Variants in CENPI observed in about 807,000 individuals in gnomAD.
The protein encoded by CENPI is centromere protein I, also known as FSH primary response 1.
CENPI carries 4 observed loss-of-function variants against 60.4 expected under a neutral mutation model. The ratio of observed to expected loss-of-function variants is 0.07; its 90% CI spans 0.03 to 0.15. The LOEUF is 0.15. CENPI is among the 10% of genes least tolerant of loss of function. The pLI, the probability that CENPI is intolerant of heterozygous loss-of-function variation, is 1.00. For missense variants in CENPI, 444 were observed against 534.5 expected, an observed-to-expected ratio of 0.83 and a Z score of 1.67; for synonymous variants, 157 against 189.4, an observed-to-expected ratio of 0.83 and a Z score of 1.40.
rs1030925870 is a variant in CENPI, at chrX:101,165,291, G to A, written c.*2324G>A. 7.1e-5 allele frequency among the ~76,000 whole-genome samples: 8 copies of A among 111,940 alleles called. No individual in the cohort carries two copies. Among genetic ancestry groups the A allele is most frequent in the African/African-American group, 1.3e-4 (4 of 30,792 alleles). On this transcript the variant is annotated 3_prime_UTR_variant, in exon 22 of 22. Transcript: ENST00000682095. ...AGATTAAAGAGGAAAGCAGAGACTG[G>A]TTAGGTTATTATAGTGTCCTAGGTA...
intron 15 of CENPI, among the ~76,000 whole-genome samples, chrX:101,138,178 G>A (rs182411077): frequency 4.5e-4 from 45 of 100,402 alleles, no homozygotes; most frequent in African/African-American, 1.5e-3. Context: ...AGTAGAGATG[G>A]CGTTTCACCA....
At chrX:101,119,608 C>T (rs2089656466) in intron 6 of CENPI, among the ~76,000 whole-genome samples, 2 of 111,458 alleles carry the variant, frequency 1.8e-5, no homozygotes, top group South Asian at 7.5e-4. Context: ...TTTCCTGACC[C>T]CTGATCTAGA....
chrX:101,160,725 C>T (rs2090101356), intron 20 of CENPI, among the ~76,000 whole-genome samples: 1 of 110,980 alleles, frequency 9.0e-6, no homozygotes, highest in Non-Finnish European at 1.9e-5. Flanking sequence ...TTGTGTATTT[C>T]CAATAGCCAA....
chrX:101,113,282 T>TACACACACACACAC (rs533672702), intron 6 of CENPI, among the ~76,000 whole-genome samples: 1 of 84,003 alleles, frequency 1.2e-5, no homozygotes, highest in Non-Finnish European at 2.3e-5. Flanking sequence ...TCCATCCCTT[T>TACACACACACACAC]ACACACACAC....
intron 20 of CENPI, among the ~76,000 whole-genome samples, chrX:101,156,041 T>TC (rs1012774397): frequency 1.8e-5 from 2 of 110,508 alleles, no homozygotes; most frequent in African/African-American, 6.6e-5. Flanking sequence ...AGACAGAGTT[T>TC]CACTCTCGTC....
intron 4 of CENPI, among the ~76,000 whole-genome samples, chrX:101,103,279 C>T (rs1373643451): frequency 3.6e-5 from 4 of 111,565 alleles, no homozygotes; most frequent in Admixed American, 2.9e-4. Context: ...CAGGTGTGAG[C>T]CACTGCGCCC....
the CENPI span, among the ~76,000 whole-genome samples, chrX:101,173,314 CTTTTTTTTTTT>C: frequency 4.0e-5 from 2 of 50,506 alleles, no homozygotes; most frequent in African/African-American, 1.9e-4. Flanking sequence ...TGCCTGGCCT[CTTTTTTTTTTT>C]TTTTTTTTTT....
intron 9 of CENPI, 29 bp downstream of exon 9, chrX:101,126,827 T>C (rs181286570): frequency 3.8e-6 from 4 of 1,066,111 alleles, no homozygotes; most frequent in Non-Finnish European, 5.2e-6. Flanking sequence ...AGAAATCATA[T>C]TAAGATTGAA....
At chrX:101,159,040 T>C (rs1442500810) in intron 20 of CENPI, among the ~76,000 whole-genome samples, 2 of 111,572 alleles carry the variant, frequency 1.8e-5, no homozygotes, top group Non-Finnish European at 3.8e-5. Flanking sequence ...ACAAGAGATA[T>C]TGACAGTGAT....
intron 15 of CENPI, among the ~76,000 whole-genome samples, chrX:101,138,875 C>T (rs2089879438): frequency 9.2e-6 from 1 of 108,948 alleles, no homozygotes; most frequent in Non-Finnish European, 1.9e-5. Flanking sequence ...ATCTGCCCAC[C>T]TCAGCCTCCC....
chrX:101,157,993 ACT>A (rs1359411930), intron 20 of CENPI, among the ~76,000 whole-genome samples: 20 of 111,022 alleles, frequency 1.8e-4, no homozygotes, highest in African/African-American at 6.2e-4. Flanking sequence ...CCATCATTCT[ACT>A]CTCTACCTCC....
intron 6 of CENPI, among the ~76,000 whole-genome samples, chrX:101,115,616 G>C (rs1422275114): frequency 2.7e-5 from 3 of 110,828 alleles, no homozygotes; most frequent in Non-Finnish European, 5.7e-5. Context: ...CTCTTGCCTC[G>C]GCCTCCCAAA....
chrX:101,128,670 C>T (rs750914498), intron 11 of CENPI, 46 bp from the exon 12 acceptor site: 2 of 1,181,184 alleles, frequency 1.7e-6, no homozygotes, highest in Non-Finnish European at 2.3e-6. Context: ...TTCCCTTATC[C>T]ACTTTTCAGA....
At chrX:101,129,632 A>C (rs2089774327) in intron 12 of CENPI, among the ~76,000 whole-genome samples, 1 of 111,755 alleles carries the variant, frequency 8.9e-6, no homozygotes, top group Non-Finnish European at 1.9e-5. Flanking sequence ...TACCCAGCAT[A>C]CTCTAATTGA....
chrX:101,135,806 C>T (rs6523453), intron 15 of CENPI, among the ~76,000 whole-genome samples: 33,125 of 110,802 alleles, frequency 0.3, 3,897 homozygotes, highest in African/African-American at 0.42. Context: ...CTGCAACCTC[C>T]GCCTAGCGGG....
At chrX:101,154,704 CAT>C (rs2090037761) in intron 20 of CENPI, among the ~76,000 whole-genome samples, 1 of 111,941 alleles carries the variant, frequency 8.9e-6, no homozygotes, top group Admixed American at 9.6e-5. Context: ...GCATGAACAT[CAT>C]ATGTCATTCC....
At chrX:101,176,867 G>A in the CENPI span, among the ~76,000 whole-genome samples, 1 of 112,481 alleles carries the variant, frequency 8.9e-6, no homozygotes, top group South Asian at 3.6e-4. Flanking sequence ...CAGGTCTTAT[G>A]TTTCAGTCTT....
intron 6 of CENPI, among the ~76,000 whole-genome samples, chrX:101,114,241 G>A (rs1418292958): frequency 9.0e-6 from 1 of 111,730 alleles, no homozygotes; most frequent in Non-Finnish European, 1.9e-5. Context: ...CCTGGGTGAC[G>A]AGCGAGACTC....
At chrX:101,109,327 C>T in intron 4 of CENPI, 146 bp from the exon 5 acceptor site, 3 of 458,567 alleles carry the variant, frequency 6.5e-6, no homozygotes, top group Non-Finnish European at 1.1e-5. Flanking sequence ...GTGATCTGCC[C>T]ACCATGGCCT....
Sources: allele counts gnomAD v4.1 joint callset (sites outside exome capture counted in the v4.1 genomes callset), GRCh38; gene constraint gnomAD v4.1.1; transcripts MANE v1.5; gene names NCBI Gene and HGNC (gene_info 2026-07-23, HGNC 2026-07-21).